KAZN: variants seen among roughly 807,000 people sequenced by gnomAD.
KAZN encodes kazrin.
Under a neutral mutation model 87.4 loss-of-function variants are expected in KAZN, and 40 were observed. The observed-to-expected ratio is 0.46, with a 90% CI of 0.36 to 0.60. The LOEUF (loss-of-function observed/expected upper bound fraction) is 0.60, where lower values mean the gene tolerates loss of function less well. Ranked by LOEUF, KAZN falls within the 20% of genes least tolerant of loss-of-function variation. The pLI, the probability that KAZN is intolerant of heterozygous loss-of-function variation, is 0.00. For missense variants in KAZN, 898 were observed against 1,073.9 expected (o/e 0.84, Z 2.29); for synonymous variants, 466 against 458.3 (o/e 1.02, Z -0.22).
chr1:14,700,409 T>G (rs1641857285), intron 1 of KAZN, among the ~76,000 whole-genome samples: 1 of 151,646 alleles, frequency 6.6e-6, no homozygotes, highest in Non-Finnish European at 1.5e-5. Context: ...AGGTGGAGGT[T>G]GCAGTGAGCC....
chr1:14,184,823 C>T lies in KAZN; in HGVS notation c.249+4231C>T, dbSNP rs1389572149. 6.6e-6 allele frequency among the ~76,000 whole-genome samples: 1 copy of T among 152,142 alleles called. No homozygotes were observed. Among genetic ancestry groups the T allele is most frequent in the African/African-American group, 2.4e-5 (1 of 41,446 alleles). ...AGGGTTAGCGCCCCAAAGTCAACAT[C>T]ATCTTGCATTGGGAAGGATGCCTTG... On this transcript the variant is annotated intron_variant, in intron 2 of 16. Transcript: ENST00000636203. This position sits in a 1 kb window ranked among gnomAD's most constrained non-coding sequence, Gnocchi z 4.2.
At chr1:14,751,437 C>T (rs1458153437) in intron 1 of KAZN, among the ~76,000 whole-genome samples, 3 of 152,174 alleles carry the variant, frequency 2.0e-5, no homozygotes, top group African/African-American at 7.2e-5. Flanking sequence ...ACTTACTCAG[C>T]GCTAGGCATT....
At chr1:14,906,600 A>C (rs1001365005) in intron 1 of KAZN, among the ~76,000 whole-genome samples, 1 of 152,024 alleles carries the variant, frequency 6.6e-6, no homozygotes, top group Non-Finnish European at 1.5e-5. Flanking sequence ...ATATTTTTTC[A>C]ATATCACAAA....
intron 2 of KAZN, chr1:14,350,865 T>C (rs1375355209): frequency 3.3e-5 from 5 of 152,308 alleles, no homozygotes; most frequent in African/African-American, 1.2e-4. Flanking sequence ...GTCTTGACAG[T>C]CACCTGTTTC....
chr1:14,539,958 C>T (rs1672712341), intron 2 of KAZN, among the ~76,000 whole-genome samples: 2 of 152,148 alleles, frequency 1.3e-5, no homozygotes, highest in Admixed American at 6.5e-5. Context: ...TGTAGACTCC[C>T]GCCATCCCCA....
intron 2 of KAZN, among the ~76,000 whole-genome samples, chr1:14,255,882 T>C (rs1650472445): frequency 6.6e-6 from 1 of 152,198 alleles, no homozygotes; most frequent in African/African-American, 2.4e-5. Flanking sequence ...GCCTCCAAAG[T>C]GTGCACTGCT....
intron 1 of KAZN, among the ~76,000 whole-genome samples, chr1:14,802,959 C>A (rs1422335130): frequency 1.3e-5 from 2 of 152,174 alleles, no homozygotes; most frequent in Non-Finnish European, 2.9e-5. Context: ...CCTACCTCTC[C>A]GAGCCTGATT....
intron 2 of KAZN, among the ~76,000 whole-genome samples, chr1:14,986,019 A>C (rs1042482651): frequency 6.6e-6 from 1 of 151,188 alleles, no homozygotes; most frequent in African/African-American, 2.4e-5. Flanking sequence ...AAAAAAAAAA[A>C]AAAAAGGAAA....
intron 2 of KAZN, among the ~76,000 whole-genome samples, chr1:14,476,524 G>C (rs1346167865): frequency 6.6e-6 from 1 of 152,152 alleles, no homozygotes; most frequent in Non-Finnish European, 1.5e-5. Context: ...AACAGGGACT[G>C]AACTGCATGC....
At chr1:14,727,360 G>T (rs1643432267) in intron 1 of KAZN, among the ~76,000 whole-genome samples, 1 of 149,194 alleles carries the variant, frequency 6.7e-6, no homozygotes, top group African/African-American at 2.5e-5. Context: ...CCAGGGATGG[G>T]TTTCATTGAA....
At chr1:14,816,123 CT>C in intron 1 of KAZN, among the ~76,000 whole-genome samples, 1 of 152,266 alleles carries the variant, frequency 6.6e-6, no homozygotes, top group South Asian at 2.1e-4. Context: ...TCTTCTTCTG[CT>C]TTCCTTCACC....
chr1:13,996,820 C>A (rs762209314), intron 1 of KAZN, among the ~76,000 whole-genome samples: 16 of 152,098 alleles, frequency 1.1e-4, no homozygotes, highest in Non-Finnish European at 2.2e-4. Context: ...GGTTTCCCCC[C>A]AAGCGAAGCA....
chr1:14,274,097 T>C (rs1188687175), intron 2 of KAZN, among the ~76,000 whole-genome samples: 3 of 152,216 alleles, frequency 2.0e-5, no homozygotes, highest in Non-Finnish European at 4.4e-5. Flanking sequence ...ACGGTTCCTA[T>C]GTCTTTGTTG....
chr1:14,421,053 G>A (rs1262666739), intron 2 of KAZN, among the ~76,000 whole-genome samples: 1 of 152,238 alleles, frequency 6.6e-6, no homozygotes, highest in Non-Finnish European at 1.5e-5. Flanking sequence ...CGTGGAGAGC[G>A]AGAGAGGGCT....
At chr1:15,042,680 C>T (rs917842555) in intron 3 of KAZN, among the ~76,000 whole-genome samples, 89 of 152,342 alleles carry the variant, frequency 5.8e-4, no homozygotes, top group African/African-American at 2.1e-3. Context: ...GGTTCTCCCT[C>T]TGTCTCCAGA....
intron 2 of KAZN, among the ~76,000 whole-genome samples, chr1:14,499,080 A>G (rs963839601): frequency 3.3e-5 from 5 of 152,146 alleles, no homozygotes; most frequent in African/African-American, 1.2e-4. Flanking sequence ...TGCATTGCCA[A>G]GCAGAATCCC....
At chr1:14,419,898 A>G (rs767736877) in intron 2 of KAZN, among the ~76,000 whole-genome samples, 1 of 152,130 alleles carries the variant, frequency 6.6e-6, no homozygotes, top group Non-Finnish European at 1.5e-5. Flanking sequence ...CCAAAGAGCG[A>G]GCAACAATGG....
chr1:14,721,890 A>G (rs1643128583), intron 1 of KAZN, among the ~76,000 whole-genome samples: 1 of 152,184 alleles, frequency 6.6e-6, no homozygotes, highest in South Asian at 2.1e-4. Context: ...GCGGTGGCTC[A>G]CACCTGTGAT....
chr1:14,729,503 T>C (rs1315651670), intron 1 of KAZN, among the ~76,000 whole-genome samples: 4 of 152,192 alleles, frequency 2.6e-5, no homozygotes, highest in African/African-American at 4.8e-5. Context: ...CATAGAGTAA[T>C]GCCCTTCGCT....
Sources: allele counts gnomAD v4.1 joint callset (sites outside exome capture counted in the v4.1 genomes callset), GRCh38; gene constraint gnomAD v4.1.1; non-coding constraint Gnocchi (gnomAD v3.1); transcripts MANE v1.5; gene names NCBI Gene and HGNC (gene_info 2026-07-23, HGNC 2026-07-21).